Variants in CD96 observed in about 807,000 individuals in gnomAD.
CD96 encodes T-cell surface protein tactile.
CD96 carries 70 observed loss-of-function variants against 71.3 expected under a neutral mutation model. The observed-to-expected ratio is 0.98, with a 90% CI of 0.81 to 1.20. The LOEUF is 1.20. Ranked by LOEUF, CD96 falls within the 50% of genes most tolerant of loss-of-function variation. The pLI is 0.00. For missense variants in CD96, 742 were observed against 677.5 expected, an observed-to-expected ratio of 1.10 and a Z score of -1.06; for synonymous variants, 248 against 233.0, an observed-to-expected ratio of 1.06 and a Z score of -0.59.
chr3:111,647,398 A>G, intron 12 of CD96, 145 bp from the exon 13 acceptor site: 1 of 772,438 alleles, frequency 1.3e-6, no homozygotes. Context: ...CATGTAGGTA[A>G]CAAGGCTTAG....
intron 8 of CD96, among the ~76,000 whole-genome samples, chr3:111,607,982 T>TA (rs1414857089): frequency 3.9e-5 from 6 of 152,194 alleles, no homozygotes; most frequent in Non-Finnish European, 5.9e-5. Flanking sequence ...ATTGCTGCAT[T>TA]AAAAATGCCC....
At chr3:111,630,187 C>T (rs548468863) in intron 10 of CD96, among the ~76,000 whole-genome samples, 22 of 152,078 alleles carry the variant, frequency 1.4e-4, no homozygotes, top group African/African-American at 5.3e-4. Context: ...GAGATAGACA[C>T]ACAAAAAACC....
intron 3 of CD96, among the ~76,000 whole-genome samples, chr3:111,574,486 G>T (rs1936133217): frequency 6.6e-6 from 1 of 152,090 alleles, no homozygotes; most frequent in African/African-American, 2.4e-5. Flanking sequence ...AAAGATTCCT[G>T]TTCTAAATTG....
chr3:111,617,815 G>T (rs746049647), intron 8 of CD96, among the ~76,000 whole-genome samples: 4 of 152,222 alleles, frequency 2.6e-5, no homozygotes, highest in Non-Finnish European at 5.9e-5. Context: ...CCTCCCACCT[G>T]CTCACCACAT....
At chr3:111,589,097 C>T (rs1054017344) in intron 5 of CD96, among the ~76,000 whole-genome samples, 2 of 151,746 alleles carry the variant, frequency 1.3e-5, no homozygotes, top group Non-Finnish European at 2.9e-5. Context: ...ATTACAGGCG[C>T]CTGCCACCAT....
chr3:111,564,038 AG>A (rs755290658), intron 2 of CD96, among the ~76,000 whole-genome samples: 1 of 152,200 alleles, frequency 6.6e-6, no homozygotes, highest in Non-Finnish European at 1.5e-5. Flanking sequence ...GCTATCAAAA[AG>A]CTAATAACAA....
chr3:111,550,532 G>T (rs1004091200), intron 2 of CD96, among the ~76,000 whole-genome samples: 17 of 151,974 alleles, frequency 1.1e-4, no homozygotes, highest in African/African-American at 4.1e-4. Context: ...AATAAACCAA[G>T]GTTTCTAAGA....
intron 12 of CD96, among the ~76,000 whole-genome samples, chr3:111,641,482 C>T (rs1195284929): frequency 6.6e-6 from 1 of 152,156 alleles, no homozygotes; most frequent in African/African-American, 2.4e-5. Context: ...AATATTGGAG[C>T]TCCCAAATTT....
intron 1 of CD96, among the ~76,000 whole-genome samples, chr3:111,544,010 T>G (rs779769917): frequency 1.3e-5 from 2 of 152,226 alleles, no homozygotes; most frequent in African/African-American, 2.4e-5. Context: ...AATAAAGTTC[T>G]CTTTGGTCTC....
At chr3:111,632,839 A>G (rs886265054) in intron 10 of CD96, among the ~76,000 whole-genome samples, 4 of 152,224 alleles carry the variant, frequency 2.6e-5, no homozygotes, top group Non-Finnish European at 5.9e-5. Context: ...TGGAGTTGGA[A>G]TCTGTTATTT....
chr3:111,601,397 G>A lies in CD96; in HGVS notation c.1087+483G>A, dbSNP rs138310909. 1.1e-3 allele frequency among the ~76,000 whole-genome samples: 172 copies of A among 152,198 alleles called. 3 individuals carry two copies. The East Asian group carries it at 0.026, about 23-fold the overall frequency. On this transcript the variant is annotated intron_variant, in intron 7 of 13. Coordinates refer to ENST00000352690, the MANE Select transcript of CD96 (RefSeq NM_005816.5). ...AAATAGGGATTGTATCTTAATAATT[G>A]TAGTATCCCTAGGTTCAAGCACTAT... is the stretch of plus-strand genomic sequence containing the variant.
intron 3 of CD96, 74 bp downstream of exon 3, chr3:111,567,721 A>G: frequency 7.7e-7 from 1 of 1,299,974 alleles, no homozygotes; most frequent in South Asian, 1.2e-5. Context: ...ATAAGCAGTA[A>G]TAATAGGGAA....
chr3:111,633,591 G>T lies in CD96; in HGVS notation c.1322-3605G>T, dbSNP rs533595508. On this transcript the variant is annotated intron_variant, in intron 10 of 13. Transcript: ENST00000352690. ...CAGGCACGCCTGCACCAATTTCTGGGGGCTTCATGGGTTTCCCCATGGTTA... is the reference window on the plus strand; with the variant it reads ...CAGGCACGCCTGCACCAATTTCTGGTGGCTTCATGGGTTTCCCCATGGTTA... 2.0e-5 allele frequency: 3 copies of T among 152,300 alleles called. No individual in the cohort carries two copies. The South Asian group carries it at 6.2e-4, about 32-fold the overall frequency. 9.4% of individuals were successfully genotyped at this position (152,300 alleles called of 1,614,324 possible). A position where few individuals can be genotyped will look rare whatever the true frequency, so the allele number is the denominator to read the frequency against.
intron 14 of CD96, among the ~76,000 whole-genome samples, chr3:111,661,482 T>A (rs1232846557): frequency 6.6e-6 from 1 of 152,086 alleles, no homozygotes; most frequent in Non-Finnish European, 1.5e-5. Flanking sequence ...ACAAGGCGAG[T>A]CCCTTCTGCC....
intron 5 of CD96, chr3:111,593,081 T>G (rs1296636396): frequency 2.6e-5 from 4 of 153,848 alleles, no homozygotes; most frequent in African/African-American, 9.6e-5. Context: ...GTACATGTGC[T>G]AAGACCTCAG....
At chr3:111,627,763 G>T (rs1938847754) in intron 10 of CD96, among the ~76,000 whole-genome samples, 1 of 152,142 alleles carries the variant, frequency 6.6e-6, no homozygotes, top group African/African-American at 2.4e-5. Context: ...CCAGCAACAG[G>T]TCAGTACCCC....
At chr3:111,553,401 C>A (rs1229374800) in intron 2 of CD96, among the ~76,000 whole-genome samples, 1 of 150,330 alleles carries the variant, frequency 6.7e-6, no homozygotes, top group Admixed American at 6.6e-5. Context: ...ATATTCTTGA[C>A]AGAGACTTGA....
At chr3:111,547,974 A>C (rs1266590354) in intron 2 of CD96, among the ~76,000 whole-genome samples, 1 of 152,166 alleles carries the variant, frequency 6.6e-6, no homozygotes, top group Non-Finnish European at 1.5e-5. Context: ...TGTCAAGTTC[A>C]CAACCAATAG....
intron 14 of CD96, among the ~76,000 whole-genome samples, chr3:111,660,897 T>G (rs1940338000): frequency 6.6e-6 from 1 of 152,224 alleles, no homozygotes; most frequent in African/African-American, 2.4e-5. Flanking sequence ...TAAATGTACC[T>G]TAAACTATAA....
Sources: gnomAD v4.1 joint callset for allele counts (sites outside exome capture counted in the v4.1 genomes callset) on GRCh38, gnomAD v4.1.1 for gene constraint, MANE v1.5 for transcripts, NCBI Gene and HGNC (gene_info 2026-07-23, HGNC 2026-07-21) for gene names.